Variants in HERC2 observed in about 807,000 individuals in gnomAD.
HERC2 encodes E3 ubiquitin-protein ligase HERC2.
HERC2 carries 102 observed loss-of-function variants against 537.7 expected under a neutral mutation model. That is an observed-to-expected ratio of 0.19 (90% CI 0.16 to 0.22). The LOEUF (loss-of-function observed/expected upper bound fraction) is 0.22. Among genes scored for constraint, HERC2 ranks in the 10% least tolerant of loss-of-function variants. The pLI, the probability that HERC2 is intolerant of heterozygous loss-of-function variation, is 1.00. For missense variants in HERC2, 4,236 were observed against 6,198.2 expected (o/e 0.68, Z 10.63); for synonymous variants, 2,224 against 2,466.2 (o/e 0.90, Z 2.91).
Position 28,256,180 on chromosome 15 carries a change from G to A in HERC2, c.2655C>T (p.Ala885=), listed in dbSNP as rs1425378356. The change falls in exon 18 of 93, where the codon GCC becomes GCT. Residue 885 remains alanine, a synonymous_variant. Transcript: ENST00000261609. ...SAGVLSTVQS[A]AQAVLQSGWS... is the part of the protein sequence containing the mutation. ...AGCCACTCTGCAGCACGGCCTGGGCGGCCGACTGCACGGTGCTCAGCACGC... is the reference window on the plus strand; with the variant it reads ...AGCCACTCTGCAGCACGGCCTGGGCAGCCGACTGCACGGTGCTCAGCACGC... The A allele has an allele frequency of 4.3e-5, 69 of 1,601,376 alleles. No homozygotes were observed. Among genetic ancestry groups the A allele is most frequent in the African/African-American group, 5.3e-5 (4 of 74,904 alleles).
At chr15:28,304,702 A>ATTTTTT (rs780900477) in intron 2 of HERC2, among the ~76,000 whole-genome samples, 6 of 108,342 alleles carry the variant, frequency 5.5e-5, no homozygotes, top group African/African-American at 1.3e-4. Flanking sequence ...AAGGGCTTCC[A>ATTTTTT]TTTTTTTTTT....
Position 28,222,409 on chromosome 15 carries a change from T to A in HERC2, c.5465-194A>T, listed in dbSNP as rs1381438609. Among the ~76,000 whole-genome samples the A allele has an allele frequency of 3.9e-5, 6 of 152,078 alleles. No homozygotes were observed. The East Asian group carries it at 1.2e-3, about 29-fold the overall frequency. On this transcript the variant is annotated intron_variant, in intron 35 of 92. Coordinates refer to ENST00000261609, the MANE Select transcript of HERC2 (RefSeq NM_004667.6). ...AAGATAAACGGAAGGATGAAATACA[T>A]AAATATCCTAGGAAGATATAAAAGA... is the stretch of plus-strand genomic sequence containing the variant.
At position 28,193,453 on chromosome 15, in the gene HERC2, CAAG is replaced by C. The variant is rs534782008; in HGVS notation, c.8261-1305_8261-1303del. ...AGGAACAAAAGTTTAGAAAACATAA[CAAG>C]AAGGTAAAAGATCTGCAGGACAGAG... On this transcript the variant is annotated intron_variant, in intron 52 of 92. Coordinates refer to ENST00000261609, the MANE Select transcript of HERC2 (RefSeq NM_004667.6). 3.4e-3 allele frequency among the ~76,000 whole-genome samples: 513 copies of C among 152,138 alleles called. 4 individuals carry two copies. Among genetic ancestry groups the C allele is most frequent in the African/African-American group, 0.011 (467 of 41,506 alleles).
intron 37 of HERC2, among the ~76,000 whole-genome samples, chr15:28,219,329 C>A (rs920919737): frequency 6.6e-6 from 1 of 152,242 alleles, no homozygotes; most frequent in Non-Finnish European, 1.5e-5. Context: ...TGGGGCCACC[C>A]CTGCCCAGGC....
intron 57 of HERC2, among the ~76,000 whole-genome samples, chr15:28,181,970 G>A (rs1179475579): frequency 6.6e-6 from 1 of 152,184 alleles, no homozygotes; most frequent in African/African-American, 2.4e-5. Flanking sequence ...TGCTCGCAAA[G>A]CGTTCTCTCT....
At chr15:28,245,778 GC>G in intron 23 of HERC2, 102 bp downstream of exon 23, 3 of 1,082,494 alleles carry the variant, frequency 2.8e-6, no homozygotes, top group Non-Finnish European at 4.1e-6. Flanking sequence ...AGTAGAAATG[GC>G]AAATCTTCCT....
intron 21 of HERC2, 93 bp from the exon 22 acceptor site, chr15:28,246,990 A>G (rs1184140057): frequency 2.8e-6 from 3 of 1,062,962 alleles, no homozygotes; most frequent in Non-Finnish European, 4.2e-6. Flanking sequence ...TCATCTACAC[A>G]TCTTTTACCC....
rs1036700171 is a variant in HERC2, at chr15:28,122,878, C to T, written c.13188+1159G>A. ...CATGCCCCGCTCACAGCCTGCACAACGCTCACACAGGGCCAGGTGGGACGT... is the reference window on the plus strand; with the variant it reads ...CATGCCCCGCTCACAGCCTGCACAATGCTCACACAGGGCCAGGTGGGACGT... On this transcript the variant is annotated intron_variant, in intron 85 of 92. Coordinates refer to ENST00000261609, the MANE Select transcript of HERC2 (RefSeq NM_004667.6). This position sits in a 1 kb window ranked among gnomAD's most constrained non-coding sequence, Gnocchi z 4.1. Among the ~76,000 whole-genome samples the T allele has an allele frequency of 1.4e-4, 21 of 152,236 alleles. No individual in the cohort carries two copies. The highest frequency in any genetic ancestry group is 4.3e-4 in the African/African-American group (18 of 41,522).
chr15:28,154,332 T>C (rs1160621770), intron 69 of HERC2, among the ~76,000 whole-genome samples: 1 of 152,254 alleles, frequency 6.6e-6, no homozygotes, highest in Non-Finnish European at 1.5e-5. Context: ...GGCATGATTT[T>C]AAATCTAAAT....
At chr15:28,163,795 A>G (rs896115616) in intron 68 of HERC2, among the ~76,000 whole-genome samples, 2 of 152,202 alleles carry the variant, frequency 1.3e-5, no homozygotes, top group African/African-American at 4.8e-5. Flanking sequence ...GGGTTCATTG[A>G]AAACATCATA....
intron 2 of HERC2, 122 bp downstream of exon 2, chr15:28,321,240 T>G: frequency 3.1e-6 from 2 of 643,646 alleles, no homozygotes; most frequent in Non-Finnish European, 5.6e-6. Flanking sequence ...GAAATAAACC[T>G]GCTCCTCTAA....
rs142016910 is a variant in HERC2, at chr15:28,149,928, C to T, written c.10900+2749G>A. Among the ~76,000 whole-genome samples, 691 of 150,328 alleles carry T rather than the reference C, an allele frequency of 4.6e-3. 7 individuals carry two copies. The highest frequency in any genetic ancestry group is 0.014 in the African/African-American group (566 of 40,904). On this transcript the variant is annotated intron_variant, in intron 70 of 92. Transcript: ENST00000261609. ...GCATCACCAAGAACAGCCACACGAA[C>T]GCACATTCTAGTAAAATTACCAAAA...
intron 3 of HERC2, among the ~76,000 whole-genome samples, chr15:28,298,092 C>G (rs1596424481): frequency 1.3e-5 from 2 of 150,336 alleles, no homozygotes; most frequent in East Asian, 2.0e-4. Context: ...ACAGGTAACT[C>G]TGCTTGACAC....
intron 2 of HERC2, among the ~76,000 whole-genome samples, chr15:28,304,904 C>T (rs2076741826): frequency 7.4e-6 from 1 of 134,920 alleles, no homozygotes; most frequent in African/African-American, 2.7e-5. Flanking sequence ...TGTGATATTC[C>T]CCTTCCTGTG....
intron 65 of HERC2, among the ~76,000 whole-genome samples, chr15:28,170,081 A>G (rs1458941368): frequency 1.3e-5 from 2 of 152,222 alleles, no homozygotes; most frequent in Non-Finnish European, 2.9e-5. Flanking sequence ...GTCTCAGCAG[A>G]AGGAGGGAGC....
At chr15:28,224,638 C>T (rs1313471299) in intron 35 of HERC2, among the ~76,000 whole-genome samples, 1 of 152,136 alleles carries the variant, frequency 6.6e-6, no homozygotes, top group South Asian at 2.1e-4. Context: ...CCAAAGAACA[C>T]CACCATAAAC....
intron 15 of HERC2, among the ~76,000 whole-genome samples, chr15:28,262,132 TTTC>T (rs1473791598): frequency 6.6e-6 from 1 of 152,162 alleles, no homozygotes; most frequent in African/African-American, 2.4e-5. Context: ...TTCTTCCTAC[TTTC>T]TTGTCAATTT....
Position 28,132,834 on chromosome 15 carries a change from C to CA in HERC2, c.12231-5dup. 3.9e-6 allele frequency: 6 copies of CA among 1,523,880 alleles called. No individual in the cohort carries two copies. The highest frequency in any genetic ancestry group is 2.5e-5 in the South Asian group (2 of 80,314). The allele number at this position is 1,523,880 out of a possible 1,614,324, so 94.4% of individuals were successfully genotyped here. The stretch of plus-strand genomic sequence containing the variant: ...GACACGAGGGCGGTCACACGGACTG[C>CA]AAAAAAGTCACCAAATATAATGGAA... On this transcript the variant is annotated splice_polypyrimidine_tract_variant and splice_region_variant and intron_variant, in intron 79 of 92. Coordinates refer to ENST00000261609, the MANE Select transcript of HERC2 (RefSeq NM_004667.6).
chr15:28,114,860 C>T, intron 89 of HERC2, 58 bp from the exon 90 acceptor site: 1 of 1,434,434 alleles, frequency 7.0e-7, no homozygotes, highest in Non-Finnish European at 9.7e-7. Context: ...CCATCCCAGA[C>T]TCCAGTCCAC....
Sources: allele counts gnomAD v4.1 joint callset (sites outside exome capture counted in the v4.1 genomes callset), GRCh38; gene constraint gnomAD v4.1.1; non-coding constraint Gnocchi (gnomAD v3.1); transcripts MANE v1.5; gene names NCBI Gene and HGNC (gene_info 2026-07-23, HGNC 2026-07-21).